The following TP63 variants were observed in gnomAD, a reference collection of about 807,000 sequenced individuals.
The protein encoded by TP63 is tumor protein 63.
TP63 carries 17 observed loss-of-function variants against 82.8 expected under a neutral mutation model. The observed-to-expected ratio is 0.21, with a 90% CI of 0.14 to 0.31. The LOEUF (loss-of-function observed/expected upper bound fraction) is 0.31. Ranked by LOEUF, TP63 falls within the 10% of genes least tolerant of loss-of-function variation. TP63 has a pLI of 1.00. For missense variants in TP63, 648 were observed against 895.3 expected (o/e 0.72, Z 3.52); for synonymous variants, 330 against 321.7 (o/e 1.03, Z -0.28).
At chr3:189,714,985 A>C (rs970606155) in intron 1 of TP63, among the ~76,000 whole-genome samples, 1 of 152,210 alleles carries the variant, frequency 6.6e-6, no homozygotes, top group East Asian at 1.9e-4. Flanking sequence ...TATTTTTCCA[A>C]CCTCCCTTAA....
chr3:189,773,188 GA>G (rs1293279718), intron 3 of TP63, among the ~76,000 whole-genome samples: 1 of 152,150 alleles, frequency 6.6e-6, no homozygotes, highest in Non-Finnish European at 1.5e-5. Flanking sequence ...GTTTGGATCT[GA>G]AAAAAGAAAC....
chr3:189,682,425 C>A, intron 1 of TP63, among the ~76,000 whole-genome samples: 1 of 147,060 alleles, frequency 6.8e-6, no homozygotes, highest in Non-Finnish European at 1.5e-5. Context: ...ACACTGCTAC[C>A]TTAAAAGTGT....
chr3:189,641,604 GTTA>G (rs1711879443), intron 1 of TP63, among the ~76,000 whole-genome samples: 1 of 151,830 alleles, frequency 6.6e-6, no homozygotes, highest in African/African-American at 2.4e-5. Context: ...GCACTTTCCA[GTTA>G]TTATGTAAGT....
chr3:189,853,723 C>G (rs1715937441), intron 4 of TP63, among the ~76,000 whole-genome samples: 1 of 152,054 alleles, frequency 6.6e-6, no homozygotes, highest in Admixed American at 6.5e-5. Context: ...TTTGTTTATT[C>G]TAGAATTCTA....
At chr3:189,807,542 A>G (rs1727043767) in intron 3 of TP63, among the ~76,000 whole-genome samples, 1 of 152,208 alleles carries the variant, frequency 6.6e-6, no homozygotes, top group Non-Finnish European at 1.5e-5. Flanking sequence ...AGTAGTTGGT[A>G]TTTCTCTTAC....
At chr3:189,611,087 A>C in the TP63 span, among the ~76,000 whole-genome samples, 1 of 152,130 alleles carries the variant, frequency 6.6e-6, no homozygotes. Flanking sequence ...ATGGGGACAC[A>C]GCCAAGCCAT....
intron 4 of TP63, chr3:189,844,445 C>A (rs1233675880): frequency 3.4e-6 from 1 of 291,588 alleles, no homozygotes; most frequent in Non-Finnish European, 7.0e-6. Context: ...GACACCACAC[C>A]CAGCTAATTT....
intron 1 of TP63, among the ~76,000 whole-genome samples, chr3:189,663,297 A>G (rs1714087581): frequency 6.6e-6 from 1 of 152,140 alleles, no homozygotes. Flanking sequence ...ATCAAGAACC[A>G]TGGAGTCCTT....
chr3:189,682,239 C>T (rs1267319553), intron 1 of TP63, among the ~76,000 whole-genome samples: 1 of 151,742 alleles, frequency 6.6e-6, no homozygotes, highest in Non-Finnish European at 1.5e-5. Context: ...TAATAATTTC[C>T]CAAAGAAAGA....
At chr3:189,640,800 A>G (rs1380371035) in intron 1 of TP63, among the ~76,000 whole-genome samples, 1 of 152,180 alleles carries the variant, frequency 6.6e-6, no homozygotes, top group Non-Finnish European at 1.5e-5. Context: ...TTGTTAGTAC[A>G]GAATATGCCT....
chr3:189,848,738 T>G (rs777305409), intron 4 of TP63, among the ~76,000 whole-genome samples: 2 of 152,220 alleles, frequency 1.3e-5, no homozygotes, highest in African/African-American at 4.8e-5. Flanking sequence ...TTACCCAAAT[T>G]TAGTTGTGCA....
chr3:189,725,052 T>A (rs1015781628), intron 1 of TP63, among the ~76,000 whole-genome samples: 3 of 152,236 alleles, frequency 2.0e-5, no homozygotes, highest in African/African-American at 7.2e-5. Context: ...TTATGATTTG[T>A]ATCAGACTTT....
chr3:189,811,594 T>C (rs1727577706), intron 4 of TP63, among the ~76,000 whole-genome samples: 1 of 152,234 alleles, frequency 6.6e-6, no homozygotes, highest in African/African-American at 2.4e-5. Flanking sequence ...TTCTAATTCT[T>C]TGAGCCAAAT....
chr3:189,686,720 G>T (rs1311161567), intron 1 of TP63, among the ~76,000 whole-genome samples: 2 of 143,390 alleles, frequency 1.4e-5, no homozygotes, highest in African/African-American at 5.1e-5. Flanking sequence ...GGGGTGGGGG[G>T]CAGGGGCAGG....
chr3:189,812,940 C>T (rs1484897902), intron 4 of TP63, among the ~76,000 whole-genome samples: 1 of 152,090 alleles, frequency 6.6e-6, no homozygotes, highest in Non-Finnish European at 1.5e-5. Flanking sequence ...GTGATACTAT[C>T]CACTATCCAA....
At chr3:189,612,060 A>G in the TP63 span, among the ~76,000 whole-genome samples, 147,929 of 152,290 alleles carry the variant, frequency 0.97, 71,995 homozygotes, top group Middle Eastern at 1. Flanking sequence ...ATATAGAATC[A>G]TGTCATCTGC....
At chr3:189,816,505 C>G (rs980320729) in intron 4 of TP63, among the ~76,000 whole-genome samples, 1 of 152,262 alleles carries the variant, frequency 6.6e-6, no homozygotes, top group East Asian at 1.9e-4. Context: ...TCAGCAGTTA[C>G]AGCTGTCATA....
At chr3:189,658,944 A>G (rs1450040888) in intron 1 of TP63, among the ~76,000 whole-genome samples, 1 of 152,080 alleles carries the variant, frequency 6.6e-6, no homozygotes, top group Admixed American at 6.6e-5. Context: ...ATACTAATAT[A>G]TGATGTTAAT....
At chr3:189,861,700 A>G (rs1159970618) in intron 4 of TP63, among the ~76,000 whole-genome samples, 1 of 152,216 alleles carries the variant, frequency 6.6e-6, no homozygotes, top group Non-Finnish European at 1.5e-5. Flanking sequence ...CTCCATTTTA[A>G]TGCTTGGAGA....
Sources: gnomAD v4.1 joint callset for allele counts (sites outside exome capture counted in the v4.1 genomes callset) on GRCh38, gnomAD v4.1.1 for gene constraint, MANE v1.5 for transcripts, NCBI Gene and HGNC (gene_info 2026-07-23, HGNC 2026-07-21) for gene names.